The following MPND variants were observed in gnomAD, a reference collection of about 807,000 sequenced individuals.
The protein encoded by MPND is MPN domain-containing protein.
In MPND, 56 loss-of-function variants were observed where a neutral mutation model predicts 59.2. The ratio of observed to expected loss-of-function variants is 0.95; its 90% CI spans 0.76 to 1.18. MPND has a LOEUF of 1.18. Ranked by LOEUF, MPND falls within the 50% of genes most tolerant of loss-of-function variation. The pLI, the probability that MPND is intolerant of heterozygous loss-of-function variation, is 0.00. For missense variants in MPND, 671 were observed against 676.0 expected, an observed-to-expected ratio of 0.99 and a Z score of 0.08; for synonymous variants, 323 against 291.9, an observed-to-expected ratio of 1.11 and a Z score of -1.09.
rs750033528 is a variant in MPND, at chr19:4,354,352, T to A, written c.778T>A (p.Ser260Thr). Residue 260 changes from serine to threonine, a missense_variant, in exon 6 of 13, where the codon TCC becomes ACC. Transcript: ENST00000599840. The stretch of plus-strand genomic sequence containing the variant: ...CCCCCACACCCTGGTGGAAGTAACA[T>A]CCTTTGCAGCCATCAACAAGTTCCA... ...RNPHTLVEVTSFAAINKFQPF... is the reference protein window; with the variant it reads ...RNPHTLVEVTTFAAINKFQPF... 3.6e-5 allele frequency: 56 copies of A among 1,561,290 alleles called. No homozygotes were observed. Among genetic ancestry groups the A allele is most frequent in the Non-Finnish European group, 4.7e-5 (54 of 1,151,486 alleles).
At chr19:4,349,515 ATT>A (rs1010736379) in intron 3 of MPND, among the ~76,000 whole-genome samples, 1 of 141,956 alleles carries the variant, frequency 7.0e-6, no homozygotes, top group African/African-American at 2.6e-5. Flanking sequence ...GAGTGGGTCT[ATT>A]TTTTTTTTTT....
chr19:4,353,168 T>A, intron 4 of MPND, 139 bp downstream of exon 4: 1 of 639,100 alleles, frequency 1.6e-6, no homozygotes, highest in Non-Finnish European at 2.3e-6. Context: ...GCCCTAAGTC[T>A]GGAGCCGGAC....
chr19:4,354,582 C>T (rs1025868838), intron 6 of MPND, 162 bp downstream of exon 6: 8 of 651,180 alleles, frequency 1.2e-5, no homozygotes, highest in East Asian at 1.1e-4. Context: ...AAGGAGGGTG[C>T]GTGGCCAGGC....
In MPND at chr19:4,359,159, G is replaced by A. The variant is rs781455948; in HGVS notation, c.1327-4G>A. On this transcript the variant is annotated splice_polypyrimidine_tract_variant and splice_region_variant and intron_variant, in intron 11 of 12. Transcript: ENST00000599840. ...CTGGGAGTCCATGCTCCTCTGTCCT[G>A]TAGATGCTGCTGGTGGAGTTCTACA... is the stretch of plus-strand genomic sequence containing the variant. 14 of 1,611,428 alleles carry A rather than the reference G, an allele frequency of 8.7e-6. No individual in the cohort carries two copies. In the Admixed American group the frequency reaches 2.2e-4, roughly 25 times the overall value.
At chr19:4,358,542 C>T (rs982321360) in intron 11 of MPND, 3 of 200,686 alleles carry the variant, frequency 1.5e-5, no homozygotes, top group Non-Finnish European at 3.1e-5. Context: ...AATCCCAGCA[C>T]TTTGGGAGGC....
chr19:4,355,779 C>G (rs556857804), intron 8 of MPND, among the ~76,000 whole-genome samples: 1 of 150,920 alleles, frequency 6.6e-6, no homozygotes, highest in African/African-American at 2.4e-5. Flanking sequence ...AGGATGGTCT[C>G]GATCTCTTGA....
chr19:4,358,821 T>C (rs1972505861), intron 11 of MPND, among the ~76,000 whole-genome samples: 1 of 152,044 alleles, frequency 6.6e-6, no homozygotes, highest in Non-Finnish European at 1.5e-5. Flanking sequence ...AACTAGTTCG[T>C]CAAACCTGTG....
intron 8 of MPND, 31 bp from the exon 9 acceptor site, chr19:4,357,222 T>A (rs749773192): frequency 6.4e-7 from 1 of 1,556,390 alleles, no homozygotes; most frequent in Non-Finnish European, 8.7e-7. Context: ...TTCAGGCCCC[T>A]GTGCCCGCTG....
At position 4,359,149 on chromosome 19, in the gene MPND, C is replaced by T. The variant is rs746690688; in HGVS notation, c.1327-14C>T. 10 of 1,604,814 alleles carry T rather than the reference C, an allele frequency of 6.2e-6. No homozygotes were observed. Among genetic ancestry groups the T allele is most frequent in the Admixed American group, 5.0e-5 (3 of 59,938 alleles). ...TGGAGGGAGCCTGGGAGTCCATGCTCCTCTGTCCTGTAGATGCTGCTGGTG... is the reference window on the plus strand; with the variant it reads ...TGGAGGGAGCCTGGGAGTCCATGCTTCTCTGTCCTGTAGATGCTGCTGGTG... On this transcript the variant is annotated splice_polypyrimidine_tract_variant and intron_variant, in intron 11 of 12. Transcript: ENST00000599840.
chr19:4,343,571 T>C lies in MPND; in HGVS notation c.-23T>C. On this transcript the variant is annotated 5_prime_UTR_variant, in exon 1 of 13. Coordinates refer to ENST00000599840, the MANE Select transcript of MPND (RefSeq NM_001300862.2). Reference sequence around the variant, plus strand: ...GTGCCGGGAAGCCGGAGTCTAGAGCTCCGGGCGCGGGGAGGCGCGGCCATG... The same window carrying C: ...GTGCCGGGAAGCCGGAGTCTAGAGCCCCGGGCGCGGGGAGGCGCGGCCATG... 1 of 1,221,166 alleles carries C rather than the reference T, an allele frequency of 8.2e-7. No individual in the cohort carries two copies. The highest frequency in any genetic ancestry group is 1.0e-6 in the Non-Finnish European group (1 of 981,256). 75.6% of individuals were successfully genotyped at this position (1,221,166 alleles called of 1,614,324 possible).
chr19:4,343,841 T>C lies in MPND; in HGVS notation c.141T>C (p.Ser47=). ...GTGGACGCAGTGGCGGCGGCGGCAG[T>C]AGCGTCAGCGGAGGAGGCGGCGGCG... The part of the protein sequence containing the change: ...AGGGRSGGGG[S]SVSGGGGGGG... Residue 47 remains serine, a synonymous_variant, in exon 2 of 13, where the codon AGT becomes AGC. Coordinates refer to ENST00000599840, the MANE Select transcript of MPND (RefSeq NM_001300862.2). 1 of 1,202,498 alleles carries C rather than the reference T, an allele frequency of 8.3e-7. No homozygotes were observed. The highest frequency in any genetic ancestry group is 1.0e-6 in the Non-Finnish European group (1 of 971,434). The allele number at this position is 1,202,498 out of a possible 1,614,324, so 74.5% of individuals were successfully genotyped here. A position where few individuals can be genotyped will look rare whatever the true frequency, so the allele number is the denominator to read the frequency against.
intron 11 of MPND, 124 bp from the exon 12 acceptor site, chr19:4,359,039 T>G: frequency 1.6e-6 from 1 of 644,326 alleles, no homozygotes. Context: ...GTGATCTCTT[T>G]GTGGTTGGTT....
At position 4,343,919 on chromosome 19, in the gene MPND, C is replaced by G. The variant is rs897413960; in HGVS notation, c.219C>G (p.Arg73=). 5 of 1,301,034 alleles carry G rather than the reference C, an allele frequency of 3.8e-6. No homozygotes were observed. Among genetic ancestry groups the G allele is most frequent in the Non-Finnish European group, 4.9e-6 (5 of 1,026,424 alleles). 80.6% of individuals were successfully genotyped at this position (1,301,034 alleles called of 1,614,324 possible). A position where few individuals can be genotyped will look rare whatever the true frequency, so the allele number is the denominator to read the frequency against. Reference sequence around the variant, plus strand: ...GGCCCGGGGGCGCGCTCACCAGGCGCGCGGTCACACTGCGGGTGCTCCTCA... The same window carrying G: ...GGCCCGGGGGCGCGCTCACCAGGCGGGCGGTCACACTGCGGGTGCTCCTCA... ...CGGPGGALTR[R]AVTLRVLLKD... Residue 73 remains arginine, a synonymous_variant, in exon 2 of 13, where the codon CGC becomes CGG. Transcript: ENST00000599840.
At chr19:4,354,842 C>T (rs1357783619) in intron 6 of MPND, 107 bp from the exon 7 acceptor site, 21 of 1,191,422 alleles carry the variant, frequency 1.8e-5, no homozygotes, top group East Asian at 1.0e-4. Context: ...CCAGCCTGGG[C>T]GACAGAGCAA....
At chr19:4,354,611 A>G (rs1443139523) in intron 6 of MPND, 191 bp downstream of exon 6, 1 of 611,202 alleles carries the variant, frequency 1.6e-6, no homozygotes. Context: ...TCACACCTAT[A>G]ATCCCAGCAC....
intron 12 of MPND, among the ~76,000 whole-genome samples, chr19:4,359,483 G>A (rs1043228816): frequency 2.6e-5 from 4 of 152,238 alleles, no homozygotes; most frequent in Admixed American, 6.5e-5. Flanking sequence ...TCCTGGCAGC[G>A]GGTTTTGGGA....
chr19:4,359,341 G>C, intron 12 of MPND, 86 bp downstream of exon 12: 4 of 1,000,834 alleles, frequency 4.0e-6, no homozygotes, highest in Non-Finnish European at 6.1e-6. Flanking sequence ...AATGAGCCCC[G>C]TGGGCCTCAG....
chr19:4,352,206 G>A (rs1453209984), intron 3 of MPND, among the ~76,000 whole-genome samples: 12 of 152,006 alleles, frequency 7.9e-5, no homozygotes, highest in Non-Finnish European at 2.9e-5. Context: ...AATAGATAGA[G>A]TTCAGAGAGT....
intron 8 of MPND, among the ~76,000 whole-genome samples, chr19:4,355,471 G>A (rs1470987251): frequency 1.3e-5 from 2 of 151,886 alleles, no homozygotes; most frequent in African/African-American, 2.4e-5. Context: ...GAATAGCTGG[G>A]ACTACAGGTG....
Sources: gnomAD v4.1 joint callset for allele counts (sites outside exome capture counted in the v4.1 genomes callset) on GRCh38, gnomAD v4.1.1 for gene constraint, MANE v1.5 for transcripts, NCBI Gene and HGNC (gene_info 2026-07-23, HGNC 2026-07-21) for gene names.